SNX7: variants seen among roughly 807,000 people sequenced by gnomAD.
The protein encoded by SNX7 is sorting nexin 7.
A neutral mutation model predicts 48.4 loss-of-function variants in SNX7; 35 were observed. That is an observed-to-expected ratio of 0.72 (90% CI 0.55 to 0.96). The LOEUF (loss-of-function observed/expected upper bound fraction) is 0.96, where lower values mean the gene tolerates loss of function less well. SNX7 is among the 40% of genes least tolerant of loss of function. The pLI, the probability that SNX7 is intolerant of heterozygous loss-of-function variation, is 0.00. For synonymous variants in SNX7, 190 were observed against 190.2 expected (o/e 1.00, Z 0.01); for missense variants, 553 against 548.9 (o/e 1.01, Z -0.07).
intron 5 of SNX7, among the ~76,000 whole-genome samples, chr1:98,697,464 C>T (rs1651520419): frequency 1.3e-5 from 2 of 151,822 alleles, no homozygotes; most frequent in Admixed American, 1.3e-4. Flanking sequence ...ATAAATTTTC[C>T]ACCACAAAAA....
chr1:98,759,939 G>C (rs751649773), intron 8 of SNX7, 115 bp from the exon 9 acceptor site: 25 of 656,758 alleles, frequency 3.8e-5, no homozygotes, highest in Non-Finnish European at 5.2e-5. Flanking sequence ...ACAAGCTGAT[G>C]GGAGAGAAGA....
chr1:98,663,615 C>G (rs1018923606), intron 1 of SNX7, among the ~76,000 whole-genome samples: 19 of 152,096 alleles, frequency 1.2e-4, no homozygotes, highest in African/African-American at 4.6e-4. Context: ...CGACCAGAAG[C>G]ATTTCTAAAT....
intron 1 of SNX7, among the ~76,000 whole-genome samples, chr1:98,679,904 G>A (rs1650383342): frequency 1.3e-5 from 2 of 152,300 alleles, no homozygotes; most frequent in South Asian, 4.1e-4. Flanking sequence ...GCTGTCAGTG[G>A]ATCTACCATT....
At chr1:98,747,846 TTTGA>T (rs773183635) in intron 8 of SNX7, among the ~76,000 whole-genome samples, 6 of 152,130 alleles carry the variant, frequency 3.9e-5, no homozygotes, top group African/African-American at 9.7e-5. Context: ...TATTTTGTTG[TTTGA>T]TTAAGTGTGA....
At chr1:98,666,705 A>C (rs1002068819) in intron 1 of SNX7, among the ~76,000 whole-genome samples, 1 of 152,088 alleles carries the variant, frequency 6.6e-6, no homozygotes, top group African/African-American at 2.4e-5. Context: ...CTTTCCTTGA[A>C]CTTGGGTGGG....
At chr1:98,755,284 C>G (rs916193138) in intron 8 of SNX7, among the ~76,000 whole-genome samples, 1 of 151,938 alleles carries the variant, frequency 6.6e-6, no homozygotes, top group Non-Finnish European at 1.5e-5. Flanking sequence ...CTGCTTTTGT[C>G]CTGTAGATCT....
At position 98,691,655 on chromosome 1, in the gene SNX7, A is replaced by T. The variant is rs1385534489; in HGVS notation, c.595A>T (p.Thr199Ser). ...LNRIADHPTL[T>S]FNEDFKIFLT... The stretch of plus-strand genomic sequence containing the variant: ...CCGAATTGCTGATCATCCAACTTTA[A>T]CATTTAATGAAGACTTCAAAATTTT... Residue 199 changes from threonine (T) to serine (S), a missense_variant, in exon 4 of 9, where the codon ACA becomes TCA. Transcript: ENST00000306121. 1 of 1,609,780 alleles carries T rather than the reference A, an allele frequency of 6.2e-7. No homozygotes were observed. Among genetic ancestry groups the T allele is most frequent in the Non-Finnish European group, 8.5e-7 (1 of 1,177,916 alleles).
chr1:98,716,794 AAAATC>A (rs777286030), intron 7 of SNX7, among the ~76,000 whole-genome samples: 61 of 152,288 alleles, frequency 4.0e-4, no homozygotes, highest in Middle Eastern at 3.4e-3. Flanking sequence ...ATCTGCTACT[AAAATC>A]AAAGCAAAAA....
chr1:98,685,867 AT>A (rs1205032356), intron 2 of SNX7, among the ~76,000 whole-genome samples: 2 of 152,046 alleles, frequency 1.3e-5, no homozygotes, highest in Admixed American at 1.3e-4. Flanking sequence ...CTTCACTTGA[AT>A]TCTTAAAATC....
In SNX7 at chr1:98,696,096, C is replaced by A. The variant is rs78490637; in HGVS notation, c.838+380C>A. 9.6e-4 allele frequency among the ~76,000 whole-genome samples: 146 copies of A among 151,678 alleles called. 1 individual carries two copies. Among genetic ancestry groups the A allele is most frequent in the Middle Eastern group, 7.0e-3 (2 of 284 alleles). The stretch of plus-strand genomic sequence containing the variant: ...TATTTTTTTCTGGAGGGAACAGATA[C>A]TCTGTATTAAACCTGTCGAAGTATG... On this transcript the variant is annotated intron_variant, in intron 5 of 8. Coordinates refer to ENST00000306121, the MANE Select transcript of SNX7 (RefSeq NM_015976.5).
At chr1:98,746,841 C>T (rs941981143) in intron 8 of SNX7, among the ~76,000 whole-genome samples, 12 of 151,840 alleles carry the variant, frequency 7.9e-5, no homozygotes, top group African/African-American at 2.4e-4. Flanking sequence ...TTTCACATTC[C>T]GGGAGGTAAA....
intron 7 of SNX7, among the ~76,000 whole-genome samples, chr1:98,713,846 G>A (rs1191066670): frequency 6.6e-6 from 1 of 152,162 alleles, no homozygotes. Context: ...CCAAATTACA[G>A]TGGTAACATC....
chr1:98,672,910 G>A (rs1373986183), intron 1 of SNX7, among the ~76,000 whole-genome samples: 7 of 113,274 alleles, frequency 6.2e-5, no homozygotes, highest in South Asian at 3.5e-4. Context: ...CGGCCTGGGC[G>A]ACAGAGCGAG....
chr1:98,749,850 G>A (rs1654496897), intron 8 of SNX7, among the ~76,000 whole-genome samples: 1 of 151,892 alleles, frequency 6.6e-6, no homozygotes, highest in South Asian at 2.1e-4. Context: ...TGCGAATTTG[G>A]GCTTCAACGT....
chr1:98,743,354 A>C (rs1281592932), intron 8 of SNX7, among the ~76,000 whole-genome samples: 1 of 143,252 alleles, frequency 7.0e-6, no homozygotes, highest in Admixed American at 7.0e-5. Flanking sequence ...ATTTTTTTCT[A>C]ATGGTGAAGT....
chr1:98,712,691 A>C (rs68093961), intron 7 of SNX7, among the ~76,000 whole-genome samples: 23,392 of 152,152 alleles, frequency 0.15, 1,879 homozygotes, highest in South Asian at 0.18. Context: ...ACTTAAAATC[A>C]CCAACTACAT....
At chr1:98,676,413 C>T (rs1650170261) in intron 1 of SNX7, among the ~76,000 whole-genome samples, 3 of 152,124 alleles carry the variant, frequency 2.0e-5, no homozygotes, top group Non-Finnish European at 4.4e-5. Flanking sequence ...AATTTGTCTT[C>T]TACTCCTTGT....
intron 6 of SNX7, among the ~76,000 whole-genome samples, chr1:98,700,630 G>A (rs369741230): frequency 3.3e-4 from 50 of 151,576 alleles, no homozygotes; most frequent in Middle Eastern, 6.9e-3. Flanking sequence ...CTACAGCCTC[G>A]AACTCCTGGG....
intron 1 of SNX7, among the ~76,000 whole-genome samples, chr1:98,670,475 A>G (rs919701340): frequency 3.3e-5 from 5 of 152,238 alleles, no homozygotes; most frequent in African/African-American, 9.6e-5. Context: ...CCAATCGTAT[A>G]TAGTCATGTG....
Sources: gnomAD v4.1 joint callset for allele counts (sites outside exome capture counted in the v4.1 genomes callset) on GRCh38, gnomAD v4.1.1 for gene constraint, MANE v1.5 for transcripts, NCBI Gene and HGNC (gene_info 2026-07-23, HGNC 2026-07-21) for gene names.